The following SLC13A3 variants were observed in gnomAD, a reference collection of about 807,000 sequenced individuals.
SLC13A3 encodes solute carrier family 13 member 3.
A neutral mutation model predicts 59.0 loss-of-function variants in SLC13A3; 40 were observed. The observed-to-expected ratio is 0.68, with a 90% CI of 0.53 to 0.88. The LOEUF is 0.88. SLC13A3 is among the 40% of genes least tolerant of loss of function. The pLI, the probability that SLC13A3 is intolerant of heterozygous loss-of-function variation, is 0.00. For missense variants in SLC13A3, 699 were observed against 783.2 expected, an observed-to-expected ratio of 0.89 and a Z score of 1.28; for synonymous variants, 317 against 330.3, an observed-to-expected ratio of 0.96 and a Z score of 0.44.
chr20:46,669,019 T>C (rs957243720), intron 1 of SLC13A3, among the ~76,000 whole-genome samples: 7 of 152,172 alleles, frequency 4.6e-5, no homozygotes, highest in African/African-American at 1.7e-4. Context: ...GTATGTTCAT[T>C]GGACAGATAA....
upstream of SLC13A3, among the ~76,000 whole-genome samples, chr20:46,674,723 G>A (rs2063114333): frequency 6.6e-6 from 1 of 151,974 alleles, no homozygotes; most frequent in Admixed American, 6.6e-5. Flanking sequence ...TTGGAAGAGA[G>A]AATTCAATTC....
upstream of SLC13A3, among the ~76,000 whole-genome samples, chr20:46,655,937 A>G (rs1229287867): frequency 7.0e-6 from 1 of 143,280 alleles, no homozygotes; most frequent in Non-Finnish European, 1.5e-5. Context: ...ATAATATACT[A>G]CAGTATATAT....
Position 46,613,618 on chromosome 20 carries a change from CA to C in SLC13A3, c.218del (p.Met73ArgfsTer25). ...AGACCTTGTTGGAGGGCAAGATGCC[CA>C]TGAAGGGGAAGAGGACGATGGGCAG... is the stretch of plus-strand genomic sequence containing the variant. ...ALLPIVLFPF[M>X]GILPSNKVCP... On this transcript the variant is annotated frameshift_variant, in exon 2 of 13. Transcript: ENST00000279027. LOFTEE classifies it high-confidence loss of function. The C allele has an allele frequency of 6.2e-7, 1 of 1,612,688 alleles. No individual in the cohort carries two copies. Among genetic ancestry groups the C allele is most frequent in the East Asian group, 2.2e-5 (1 of 44,834 alleles).
At chr20:46,570,489 G>T (rs575277738) in intron 10 of SLC13A3, among the ~76,000 whole-genome samples, 1 of 152,110 alleles carries the variant, frequency 6.6e-6, no homozygotes, top group Non-Finnish European at 1.5e-5. Flanking sequence ...CCTTAAATGC[G>T]CTCAGGACAC....
intron 9 of SLC13A3, 83 bp downstream of exon 9, chr20:46,583,489 G>A (rs2062159314): frequency 6.4e-7 from 1 of 1,566,012 alleles, no homozygotes; most frequent in Non-Finnish European, 8.6e-7. Flanking sequence ...TTAGTGCAGT[G>A]GGGGGCTCCA....
chr20:46,584,928 C>A (rs1157419953), intron 8 of SLC13A3, among the ~76,000 whole-genome samples: 3 of 152,136 alleles, frequency 2.0e-5, no homozygotes, highest in African/African-American at 7.2e-5. Flanking sequence ...TACACTGCAT[C>A]TGTTTAAAAA....
At chr20:46,620,292 A>G (rs1453442094) in intron 1 of SLC13A3, among the ~76,000 whole-genome samples, 1 of 152,226 alleles carries the variant, frequency 6.6e-6, no homozygotes, top group Non-Finnish European at 1.5e-5. Flanking sequence ...GGTTAAGACA[A>G]GGGATCTTCA....
At chr20:46,651,187 A>T (rs2122887362) in intron 1 of SLC13A3, 124 bp downstream of exon 1, 1 of 1,345,578 alleles carries the variant, frequency 7.4e-7, no homozygotes, top group African/African-American at 1.5e-5. Flanking sequence ...CAAGGGAGGG[A>T]AGGCGAGGGG....
intron 1 of SLC13A3, among the ~76,000 whole-genome samples, chr20:46,681,201 A>G (rs1427181975): frequency 6.6e-6 from 1 of 152,224 alleles, no homozygotes; most frequent in Non-Finnish European, 1.5e-5. Context: ...GGAGTGAGTG[A>G]AGAGAGAATG....
chr20:46,586,408 C>T (rs1386780843), intron 8 of SLC13A3, among the ~76,000 whole-genome samples: 1 of 152,154 alleles, frequency 6.6e-6, no homozygotes, highest in Non-Finnish European at 1.5e-5. Context: ...TCCCCAGCTC[C>T]CAAGTGCTGG....
chr20:46,610,321 A>G lies in SLC13A3; in HGVS notation c.541+125T>C, dbSNP rs2694895. On this transcript the variant is annotated intron_variant, in intron 3 of 12. Coordinates refer to ENST00000279027, the MANE Select transcript of SLC13A3 (RefSeq NM_022829.6). ...TATCAGTCATTGTCATAACTAAAAC[A>G]CCTGACGCATAGTAGGTGCTCAATA... 6.5e-3 allele frequency: 5,687 copies of G among 872,556 alleles called. 216 individuals carry two copies. The African/African-American group carries it at 0.085, about 13-fold the overall frequency. 54.1% of individuals were successfully genotyped at this position (872,556 alleles called of 1,614,324 possible).
chr20:46,612,605 T>C (rs1224795624), intron 2 of SLC13A3, among the ~76,000 whole-genome samples: 1 of 71,090 alleles, frequency 1.4e-5, no homozygotes, highest in Non-Finnish European at 2.3e-5. Context: ...GGTGTCTGTG[T>C]TCAAAAAAAA....
At chr20:46,631,375 A>G (rs1249639117) in intron 1 of SLC13A3, among the ~76,000 whole-genome samples, 2 of 152,208 alleles carry the variant, frequency 1.3e-5, no homozygotes, top group African/African-American at 4.8e-5. Flanking sequence ...TGGTTGTCCC[A>G]AGAAGGAAAG....
chr20:46,622,149 G>A (rs755083368), intron 1 of SLC13A3, among the ~76,000 whole-genome samples: 1 of 152,214 alleles, frequency 6.6e-6, no homozygotes, highest in Non-Finnish European at 1.5e-5. Flanking sequence ...CATTGATGGA[G>A]TTGGTTTCAG....
rs1460109104 is a variant in SLC13A3, at chr20:46,583,651, G to A, written c.1140C>T (p.Val380=). 6.2e-7 allele frequency: 1 copy of A among 1,614,108 alleles called. No homozygotes were observed. Among genetic ancestry groups the A allele is most frequent in the East Asian group, 2.2e-5 (1 of 44,880 alleles). The part of the protein sequence containing the change: ...LFNPGFLSDA[V]TGVAIVTILF... ...AGATGGTGACAATAGCCACGCCGGT[G>A]ACAGCATCAGAAAGAAACCTACAAT... The change falls in exon 9 of 13, where the codon GTC becomes GTT. Residue 380 remains valine, a synonymous_variant. Coordinates refer to ENST00000279027, the MANE Select transcript of SLC13A3 (RefSeq NM_022829.6).
At chr20:46,573,849 T>A (rs1464053842) in intron 10 of SLC13A3, among the ~76,000 whole-genome samples, 1 of 152,222 alleles carries the variant, frequency 6.6e-6, no homozygotes, top group Non-Finnish European at 1.5e-5. Flanking sequence ...CGTCCAACAT[T>A]GTAACTTCAT....
At chr20:46,676,554 C>T (rs1483642184) in intron 1 of SLC13A3, among the ~76,000 whole-genome samples, 1 of 151,700 alleles carries the variant, frequency 6.6e-6, no homozygotes, top group Non-Finnish European at 1.5e-5. Flanking sequence ...TGCGCCCGGC[C>T]CCTTTTTTTC....
At chr20:46,636,759 T>C (rs2062799486) in intron 1 of SLC13A3, among the ~76,000 whole-genome samples, 1 of 152,082 alleles carries the variant, frequency 6.6e-6, no homozygotes, top group Non-Finnish European at 1.5e-5. Flanking sequence ...GTGCTCCCAC[T>C]GCTTCTTGGG....
At chr20:46,620,313 G>A (rs1288733067) in intron 1 of SLC13A3, among the ~76,000 whole-genome samples, 1 of 152,148 alleles carries the variant, frequency 6.6e-6, no homozygotes, top group African/African-American at 2.4e-5. Flanking sequence ...AAAAGTTCAT[G>A]AAAAGTATGT....
Sources: allele counts gnomAD v4.1 joint callset (sites outside exome capture counted in the v4.1 genomes callset), GRCh38; gene constraint gnomAD v4.1.1; transcripts MANE v1.5; gene names NCBI Gene and HGNC (gene_info 2026-07-23, HGNC 2026-07-21).